Variants in RNF152 observed in about 807,000 individuals in gnomAD.
The protein encoded by RNF152 is E3 ubiquitin-protein ligase RNF152.
RNF152 carries 11 observed loss-of-function variants against 12.7 expected under a neutral mutation model. The observed-to-expected ratio is 0.86, with a 90% CI of 0.54 to 1.43. The LOEUF (loss-of-function observed/expected upper bound fraction) is 1.43. RNF152 is among the 40% of genes most tolerant of loss of function. RNF152 has a pLI of 0.00. For missense variants in RNF152, 255 were observed against 274.8 expected (o/e 0.93, Z 0.51); for synonymous variants, 113 against 120.3 (o/e 0.94, Z 0.40).
At position 61,816,520 on chromosome 18, in the gene RNF152, A is replaced by C; in HGVS notation, c.-57T>G. On this transcript the variant is annotated 5_prime_UTR_variant, in exon 2 of 2. Transcript: ENST00000312828. ...GGTGAAGGGGAAGGAGCTGCTTCTCAGAGGCCACCGCCCTGTGTCTTTGCA... is the reference window on the plus strand; with the variant it reads ...GGTGAAGGGGAAGGAGCTGCTTCTCCGAGGCCACCGCCCTGTGTCTTTGCA... 1 of 1,550,294 alleles carries C rather than the reference A, an allele frequency of 6.5e-7. No homozygotes were observed. The highest frequency in any genetic ancestry group is 8.7e-7 in the Non-Finnish European group (1 of 1,143,902).
At chr18:61,843,706 G>C (rs1162561849) in intron 1 of RNF152, among the ~76,000 whole-genome samples, 1 of 152,082 alleles carries the variant, frequency 6.6e-6, no homozygotes, top group Non-Finnish European at 1.5e-5. Flanking sequence ...GTCACAAAAA[G>C]ACAAATACTA....
chr18:61,879,738 C>A (rs1455598776), intron 1 of RNF152, among the ~76,000 whole-genome samples: 3 of 151,932 alleles, frequency 2.0e-5, no homozygotes, highest in Middle Eastern at 3.4e-3. Flanking sequence ...CTGAGGCAGG[C>A]GAATCACCTG....
Position 61,816,186 on chromosome 18 carries a change from T to A in RNF152, c.278A>T (p.Lys93Ile). Residue 93 changes from lysine to isoleucine, a missense_variant, in exon 2 of 2, where the codon AAA becomes ATA. Lys to Ile is a moderately radical substitution (Grantham distance 102). Transcript: ENST00000312828. ...HTSEHTPVFI[K>I]LPSNGCYMLP... ...CATGTAGCACCCATTGCTGGGAAGT[T>A]TGATGAAGACCGGGGTGTGTTCGGA... The A allele has an allele frequency of 1.2e-6, 2 of 1,614,202 alleles. No individual in the cohort carries two copies. Among genetic ancestry groups the A allele is most frequent in the Non-Finnish European group, 1.7e-6 (2 of 1,180,024 alleles).
Position 61,816,548 on chromosome 18 carries a change from G to T in RNF152, c.-85C>A. 1 of 1,449,666 alleles carries T rather than the reference G, an allele frequency of 6.9e-7. No individual in the cohort carries two copies. Among genetic ancestry groups the T allele is most frequent in the South Asian group, 1.3e-5 (1 of 74,094 alleles). The allele number at this position is 1,449,666 out of a possible 1,614,324, so 89.8% of individuals were successfully genotyped here. On this transcript the variant is annotated 5_prime_UTR_variant, in exon 2 of 2. Transcript: ENST00000312828. ...GGCCACCGCCCTGTGTCTTTGCAGT[G>T]CAGGTAATGGCAAGCTCACAGGCAT...
At chr18:61,859,603 G>C (rs372938430) in intron 1 of RNF152, among the ~76,000 whole-genome samples, 1 of 152,202 alleles carries the variant, frequency 6.6e-6, no homozygotes, top group Non-Finnish European at 1.5e-5. Context: ...CCTAGGCCGG[G>C]CACGGTGGCT....
intron 1 of RNF152, among the ~76,000 whole-genome samples, chr18:61,889,617 T>C (rs774436512): frequency 6.6e-6 from 1 of 152,200 alleles, no homozygotes; most frequent in Non-Finnish European, 1.5e-5. Flanking sequence ...ACTCTCTGGG[T>C]GTTCTACTAG....
intron 1 of RNF152, among the ~76,000 whole-genome samples, chr18:61,841,029 C>A (rs937669154): frequency 2.6e-5 from 4 of 152,228 alleles, no homozygotes; most frequent in Admixed American, 6.5e-5. Context: ...CCACCTACTG[C>A]AGGAGGCTGG....
rs1909328770 is a variant in RNF152, at chr18:61,820,320, C to T, written c.-135-3722G>A. Among the ~76,000 whole-genome samples the T allele has an allele frequency of 3.7e-5, 4 of 107,506 alleles. No homozygotes were observed. In the South Asian group the frequency reaches 1.4e-3, roughly 37 times the overall value. 70.5% of individuals were successfully genotyped at this position (107,506 alleles called of 152,430 possible). ...CTCCAGCCTGGGTGACAGAGAGAGA[C>T]TCCGTCTCACCAAAAAAAAAAAAAA... On this transcript the variant is annotated intron_variant, in intron 1 of 1. Coordinates refer to ENST00000312828, the MANE Select transcript of RNF152 (RefSeq NM_173557.3).
chr18:61,852,600 A>C (rs1911036708), intron 1 of RNF152, among the ~76,000 whole-genome samples: 1 of 152,192 alleles, frequency 6.6e-6, no homozygotes, highest in Non-Finnish European at 1.5e-5. Context: ...TTCAGCAAAC[A>C]CAATACCTCT....
chr18:61,844,473 T>A (rs1910659630), intron 1 of RNF152, among the ~76,000 whole-genome samples: 1 of 152,188 alleles, frequency 6.6e-6, no homozygotes, highest in South Asian at 2.1e-4. Context: ...AAGAAAACCA[T>A]CCATTATGTC....
At position 61,827,360 on chromosome 18, in the gene RNF152, C is replaced by G. The variant is rs75410480; in HGVS notation, c.-135-10762G>C. 4.0e-3 allele frequency among the ~76,000 whole-genome samples: 610 copies of G among 152,152 alleles called. 5 individuals carry two copies. Among genetic ancestry groups the G allele is most frequent in the African/African-American group, 0.013 (538 of 41,518 alleles). On this transcript the variant is annotated intron_variant, in intron 1 of 1. Transcript: ENST00000312828. Reference sequence around the variant, plus strand: ...ACTAAAGAACATGTATGATTTCAGACGAGTAGAACTTCATTAATTTGAGGT... The same window carrying G: ...ACTAAAGAACATGTATGATTTCAGAGGAGTAGAACTTCATTAATTTGAGGT...
intron 1 of RNF152, among the ~76,000 whole-genome samples, chr18:61,826,139 G>T (rs1301263415): frequency 6.6e-6 from 1 of 152,114 alleles, no homozygotes; most frequent in Non-Finnish European, 1.5e-5. Context: ...CCCCAGAGTT[G>T]GTATAAAGAC....
chr18:61,879,973 A>G (rs1599323609), intron 1 of RNF152, among the ~76,000 whole-genome samples: 3 of 152,060 alleles, frequency 2.0e-5, no homozygotes, highest in African/African-American at 4.8e-5. Context: ...CTCAAAAAAA[A>G]AAAAAAAATT....
At chr18:61,844,274 A>G (rs1910651553) in intron 1 of RNF152, among the ~76,000 whole-genome samples, 1 of 152,126 alleles carries the variant, frequency 6.6e-6, no homozygotes, top group Admixed American at 6.6e-5. Flanking sequence ...CTAGGAATCT[A>G]AAAAGCTCAA....
intron 1 of RNF152, among the ~76,000 whole-genome samples, chr18:61,832,600 GT>G (rs1910000834): frequency 6.6e-6 from 1 of 152,098 alleles, no homozygotes. Flanking sequence ...TCTCAGGATA[GT>G]CATGAAAAGT....
intron 1 of RNF152, among the ~76,000 whole-genome samples, chr18:61,857,283 C>A (rs1320723182): frequency 2.6e-5 from 4 of 152,164 alleles, no homozygotes; most frequent in Non-Finnish European, 4.4e-5. Context: ...TGTCCAAAGT[C>A]AATTCATGTC....
In RNF152 at chr18:61,809,583, T is replaced by C. The variant is rs1197256099; in HGVS notation, c.*6269A>G. 2 of 152,086 alleles carry C rather than the reference T, an allele frequency of 1.3e-5. No homozygotes were observed. The highest frequency in any genetic ancestry group is 2.9e-5 in the Non-Finnish European group (2 of 68,026). The allele number at this position is 152,086 out of a possible 1,614,324, so 9.4% of individuals were successfully genotyped here. On this transcript the variant is annotated 3_prime_UTR_variant, in exon 2 of 2. Coordinates refer to ENST00000312828, the MANE Select transcript of RNF152 (RefSeq NM_173557.3). The stretch of plus-strand genomic sequence containing the variant: ...CATGGGCTACTAGCCCTACATCCCA[T>C]GGAAATAAATTTGGAGCAGTGTTCT...
intron 1 of RNF152, among the ~76,000 whole-genome samples, chr18:61,884,998 G>A (rs1302997606): frequency 6.6e-6 from 1 of 152,242 alleles, no homozygotes; most frequent in African/African-American, 2.4e-5. Flanking sequence ...AAGTACCAAT[G>A]TAAAGGAGTG....
intron 1 of RNF152, among the ~76,000 whole-genome samples, chr18:61,852,386 T>C (rs950144863): frequency 5.3e-5 from 8 of 152,228 alleles, no homozygotes; most frequent in African/African-American, 1.7e-4. Flanking sequence ...GACATACCAA[T>C]CTGTGGTGCT....
Sources: allele counts gnomAD v4.1 joint callset (sites outside exome capture counted in the v4.1 genomes callset), GRCh38; gene constraint gnomAD v4.1.1; transcripts MANE v1.5; gene names NCBI Gene and HGNC (gene_info 2026-07-23, HGNC 2026-07-21).